Variants in THSD4 observed in about 807,000 individuals in gnomAD.
THSD4 encodes thrombospondin type 1 domain containing 4.
Under a neutral mutation model 119.0 loss-of-function variants are expected in THSD4, and 69 were observed. That is an observed-to-expected ratio of 0.58 (90% CI 0.48 to 0.71). The LOEUF (loss-of-function observed/expected upper bound fraction) is 0.71, where lower values mean the gene tolerates loss of function less well. THSD4 is among the 30% of genes least tolerant of loss of function. The pLI is 0.00. For synonymous variants in THSD4, 524 were observed against 540.4 expected, an observed-to-expected ratio of 0.97 and a Z score of 0.42; for missense variants, 1,393 against 1,391.1, an observed-to-expected ratio of 1.00 and a Z score of -0.02.
chr15:71,492,359 G>A (rs2047932920), intron 7 of THSD4, among the ~76,000 whole-genome samples: 1 of 151,938 alleles, frequency 6.6e-6, no homozygotes, highest in Non-Finnish European at 1.5e-5. Flanking sequence ...TTGCCTTCTG[G>A]GTTCAAGTGA....
rs1450222258 is a variant in THSD4 at position 71,780,987 on chromosome 15, A to G, written c.*3613A>G. 1 of 347,522 alleles carries G rather than the reference A, an allele frequency of 2.9e-6. No homozygotes were observed. The highest frequency in any genetic ancestry group is 2.1e-5 in the African/African-American group (1 of 46,682). 21.5% of individuals were successfully genotyped at this position (347,522 alleles called of 1,614,324 possible). A position where few individuals can be genotyped will look rare whatever the true frequency, so the allele number is the denominator to read the frequency against. On this transcript the variant is annotated 3_prime_UTR_variant, in exon 18 of 18. Coordinates refer to ENST00000261862, the MANE Select transcript of THSD4 (RefSeq NM_024817.3). The stretch of plus-strand genomic sequence containing the variant: ...CGGATAGCCACTTTATAGTTGGAAT[A>G]TCAATTCTAATGAGGAGGAAGACAT...
At chr15:71,573,248 T>C (rs1337002028) in intron 7 of THSD4, among the ~76,000 whole-genome samples, 1 of 152,128 alleles carries the variant, frequency 6.6e-6, no homozygotes, top group Non-Finnish European at 1.5e-5. Flanking sequence ...AGGTGCCCAG[T>C]ATTTATTAAA....
rs568854588 is a variant in THSD4 at position 71,524,907 on chromosome 15, C to T, written c.1152+113084C>T. On this transcript the variant is annotated intron_variant, in intron 7 of 17. Transcript: ENST00000261862. ...GATTACAAGCGTGAGCCACCATGCCCGGCCTCTTGCTTTATACTTCAAAGA... is the reference window on the plus strand; with the variant it reads ...GATTACAAGCGTGAGCCACCATGCCTGGCCTCTTGCTTTATACTTCAAAGA... Among the ~76,000 whole-genome samples the T allele has an allele frequency of 4.6e-5, 7 of 151,208 alleles. No homozygotes were observed. In the South Asian group the frequency reaches 1.1e-3, roughly 23 times the overall value.
rs1355175249 is a variant in THSD4, at chr15:71,782,470, T to C, written c.*5096T>C. On this transcript the variant is annotated 3_prime_UTR_variant, in exon 18 of 18. Transcript: ENST00000261862. ...AAATACAAGATGTTTATAGGAAATA[T>C]GTATTCTGAACTCTATCTGCAGAAT... is the stretch of plus-strand genomic sequence containing the variant. The C allele has an allele frequency of 6.6e-6, 1 of 152,246 alleles. No homozygotes were observed. The highest frequency in any genetic ancestry group is 1.5e-5 in the Non-Finnish European group (1 of 68,048). The allele number at this position is 152,246 out of a possible 1,614,324, so 9.4% of individuals were successfully genotyped here.
chr15:71,221,442 C>T (rs1345856515), intron 4 of THSD4, among the ~76,000 whole-genome samples: 1 of 152,152 alleles, frequency 6.6e-6, no homozygotes, highest in Non-Finnish European at 1.5e-5. Flanking sequence ...CACATTCCTT[C>T]CTTCCCCCAC....
At position 71,411,681 on chromosome 15, in the gene THSD4, T is replaced by C. The variant is rs1299608333; in HGVS notation, c.1016-6T>C. On this transcript the variant is annotated splice_polypyrimidine_tract_variant and splice_region_variant and intron_variant, in intron 6 of 17. Transcript: ENST00000261862. ...TATTTTATTTTATTTCATTTTACTT[T>C]GGTAGTAAAAGGCAATCGCAAATGT... The C allele has an allele frequency of 6.2e-7, 1 of 1,613,218 alleles. No individual in the cohort carries two copies.
At chr15:71,688,705 C>CTGTGTG (rs1445931183) in intron 8 of THSD4, among the ~76,000 whole-genome samples, 2 of 86,086 alleles carry the variant, frequency 2.3e-5, no homozygotes, top group Admixed American at 3.4e-4. Flanking sequence ...TGTTTTGTAT[C>CTGTGTG]TCTGTGTGTG....
At position 71,705,888 on chromosome 15, in the gene THSD4, A is replaced by T. The variant is rs565812192; in HGVS notation, c.1358-22661A>T. Reference sequence around the variant, plus strand: ...AAGAAATACAGAAACTGTGACGGTAATCCAGAGTGGGGAGACATTACTTCT... The same window carrying T: ...AAGAAATACAGAAACTGTGACGGTATTCCAGAGTGGGGAGACATTACTTCT... On this transcript the variant is annotated intron_variant, in intron 8 of 17. Transcript: ENST00000261862. Among the ~76,000 whole-genome samples, 14 of 152,326 alleles carry T rather than the reference A, an allele frequency of 9.2e-5. No individual in the cohort carries two copies. The South Asian group carries it at 2.3e-3, about 25-fold the overall frequency.
chr15:71,566,419 G>T (rs2049240949), intron 7 of THSD4, among the ~76,000 whole-genome samples: 1 of 152,142 alleles, frequency 6.6e-6, no homozygotes, highest in Admixed American at 6.5e-5. Context: ...TTTGTGGTCA[G>T]GTGTTAGATA....
intron 14 of THSD4, among the ~76,000 whole-genome samples, chr15:71,750,754 T>A (rs1022944874): frequency 6.6e-6 from 1 of 152,196 alleles, no homozygotes; most frequent in Admixed American, 6.5e-5. Context: ...GGAGAGTAAG[T>A]GCTGATCTGG....
intron 7 of THSD4, among the ~76,000 whole-genome samples, chr15:71,647,058 G>T (rs1285672162): frequency 6.6e-6 from 1 of 152,160 alleles, no homozygotes; most frequent in Non-Finnish European, 1.5e-5. Context: ...TACACATCTG[G>T]GGGGCATGAT....
chr15:71,367,547 C>G (rs1215338740), intron 6 of THSD4, among the ~76,000 whole-genome samples: 1 of 152,148 alleles, frequency 6.6e-6, no homozygotes. Context: ...GGTTTTCTGT[C>G]CTTGTGATAG....
At chr15:71,220,367 C>A (rs568316430) in intron 4 of THSD4, among the ~76,000 whole-genome samples, 1 of 152,168 alleles carries the variant, frequency 6.6e-6, no homozygotes. Context: ...TTAAAACAAG[C>A]ACATACGTAG....
chr15:71,772,412 A>G lies in THSD4; in HGVS notation c.2914+1204A>G, dbSNP rs527530627. Among the ~76,000 whole-genome samples the G allele has an allele frequency of 2.1e-3, 314 of 152,346 alleles. 1 individual carries two copies. Among genetic ancestry groups the G allele is most frequent in the Admixed American group, 3.4e-3 (52 of 15,300 alleles). The stretch of plus-strand genomic sequence containing the variant: ...CCATAAGAAGAAAATTAACAAGTTT[A>G]TAAGATCTATATAGAAAAAATAAAT... On this transcript the variant is annotated intron_variant, in intron 17 of 17. Coordinates refer to ENST00000261862, the MANE Select transcript of THSD4 (RefSeq NM_024817.3).
At chr15:71,307,816 C>A (rs1043521670) in intron 6 of THSD4, among the ~76,000 whole-genome samples, 1 of 152,268 alleles carries the variant, frequency 6.6e-6, no homozygotes, top group Admixed American at 6.5e-5. Context: ...TGGTTTATTA[C>A]AGTGAAAGGA....
At chr15:71,515,109 A>G (rs1368020064) in intron 7 of THSD4, among the ~76,000 whole-genome samples, 2 of 152,204 alleles carry the variant, frequency 1.3e-5, no homozygotes, top group African/African-American at 2.4e-5. Flanking sequence ...ATTGTCAATT[A>G]TTGTTTTTGA....
At chr15:71,434,828 A>G (rs547212764) in intron 7 of THSD4, among the ~76,000 whole-genome samples, 10 of 152,306 alleles carry the variant, frequency 6.6e-5, no homozygotes, top group South Asian at 6.2e-4. Flanking sequence ...TTAGATTTCA[A>G]TGGGGACAAA....
chr15:71,313,113 C>T (rs1177985800), intron 6 of THSD4, among the ~76,000 whole-genome samples: 3 of 152,216 alleles, frequency 2.0e-5, no homozygotes, highest in South Asian at 2.1e-4. Flanking sequence ...TTATTTATAT[C>T]AGTATCATTT....
chr15:71,612,289 G>A (rs769355264), intron 7 of THSD4, among the ~76,000 whole-genome samples: 15 of 152,194 alleles, frequency 9.9e-5, no homozygotes, highest in Non-Finnish European at 1.8e-4. Flanking sequence ...GAGGTCAGTC[G>A]GATGAGCTCA....
Sources: gnomAD v4.1 joint callset for allele counts (sites outside exome capture counted in the v4.1 genomes callset) on GRCh38, gnomAD v4.1.1 for gene constraint, MANE v1.5 for transcripts, NCBI Gene and HGNC (gene_info 2026-07-23, HGNC 2026-07-21) for gene names.